FSTL5: variants seen among roughly 807,000 people sequenced by gnomAD.
FSTL5 encodes follistatin-related protein 5.
In FSTL5, 62 loss-of-function variants were observed where a neutral mutation model predicts 89.1. That is an observed-to-expected ratio of 0.70 (90% confidence interval 0.57 to 0.86). FSTL5 has a LOEUF of 0.86. Among genes scored for constraint, FSTL5 ranks in the 40% least tolerant of loss-of-function variants. The pLI, the probability that FSTL5 is intolerant of heterozygous loss-of-function variation, is 0.00. For synonymous variants in FSTL5, 383 were observed against 346.2 expected, an observed-to-expected ratio of 1.11 and a Z score of -1.18; for missense variants, 1,057 against 1,001.6, an observed-to-expected ratio of 1.06 and a Z score of -0.75.
chr4:162,026,744 C>A (rs935068309), intron 3 of FSTL5, among the ~76,000 whole-genome samples: 1 of 152,020 alleles, frequency 6.6e-6, no homozygotes, highest in Non-Finnish European at 1.5e-5. Context: ...AAATAAAAGC[C>A]TACTTAAGCA....
intron 4 of FSTL5, among the ~76,000 whole-genome samples, chr4:161,810,919 C>T (rs1017423385): frequency 3.3e-5 from 5 of 152,246 alleles, no homozygotes; most frequent in Admixed American, 1.3e-4. Context: ...CCAATAAGAT[C>T]TATTGTTTTT....
At position 161,513,548 on chromosome 4, in the gene FSTL5, T is replaced by C. The variant is rs181066373; in HGVS notation, c.1313-3124A>G. Reference sequence around the variant, plus strand: ...AAAGACACATGCACACATATATTCATTGCAGCACTATTCACAATAGCAAAG... The same window carrying C: ...AAAGACACATGCACACATATATTCACTGCAGCACTATTCACAATAGCAAAG... On this transcript the variant is annotated intron_variant, in intron 10 of 15. Transcript: ENST00000306100. 9.2e-5 allele frequency among the ~76,000 whole-genome samples: 14 copies of C among 152,304 alleles called. 1 individual carries two copies. The highest frequency in any genetic ancestry group is 1.6e-4 in the Non-Finnish European group (11 of 68,026).
chr4:161,598,305 G>T lies in FSTL5; in HGVS notation c.895-10730C>A, dbSNP rs144613335. Among the ~76,000 whole-genome samples, 3 of 152,154 alleles carry T rather than the reference G, an allele frequency of 2.0e-5. No homozygotes were observed. In the East Asian group the frequency reaches 5.8e-4, roughly 29 times the overall value. On this transcript the variant is annotated intron_variant, in intron 7 of 15. Coordinates refer to ENST00000306100, the MANE Select transcript of FSTL5 (RefSeq NM_020116.5). ...CAGGAGAATAGCTTGAACCCGGAAGGCAGAGGTTGCAGTGAGCCAAAATTG... is the reference window on the plus strand; with the variant it reads ...CAGGAGAATAGCTTGAACCCGGAAGTCAGAGGTTGCAGTGAGCCAAAATTG...
At chr4:161,752,410 T>A (rs540370521) in intron 6 of FSTL5, among the ~76,000 whole-genome samples, 1 of 152,328 alleles carries the variant, frequency 6.6e-6, no homozygotes, top group East Asian at 1.9e-4. Flanking sequence ...AATATATTCA[T>A]ACTTGATGGA....
intron 3 of FSTL5, among the ~76,000 whole-genome samples, chr4:162,025,319 T>C (rs925309268): frequency 1.2e-4 from 19 of 152,210 alleles, no homozygotes; most frequent in Non-Finnish European, 2.4e-4. Context: ...TTGATAAATA[T>C]GTTTCTATCA....
intron 3 of FSTL5, among the ~76,000 whole-genome samples, chr4:161,962,217 A>C (rs924363749): frequency 5.9e-5 from 9 of 151,998 alleles, no homozygotes; most frequent in African/African-American, 2.4e-5. Context: ...AGTATTAAGA[A>C]AGGTCCAGAT....
At chr4:161,395,869 G>C (rs1730978044) in intron 15 of FSTL5, among the ~76,000 whole-genome samples, 2 of 152,104 alleles carry the variant, frequency 1.3e-5, no homozygotes, top group African/African-American at 2.4e-5. Flanking sequence ...TACCTCAAGA[G>C]AGAGACAAAC....
At chr4:161,961,577 G>A (rs1032626440) in intron 3 of FSTL5, among the ~76,000 whole-genome samples, 2 of 149,724 alleles carry the variant, frequency 1.3e-5, no homozygotes, top group African/African-American at 4.9e-5. Flanking sequence ...ATAAATAATT[G>A]AGCTCTGAAG....
intron 4 of FSTL5, among the ~76,000 whole-genome samples, chr4:161,809,091 T>C (rs1327101131): frequency 1.3e-5 from 2 of 152,000 alleles, no homozygotes; most frequent in Admixed American, 6.6e-5. Flanking sequence ...TGGTGGCGGC[T>C]GCCTGTAGTC....
chr4:161,887,381 T>A (rs1337198114), intron 4 of FSTL5, among the ~76,000 whole-genome samples: 1 of 142,606 alleles, frequency 7.0e-6, no homozygotes, highest in African/African-American at 2.6e-5. Flanking sequence ...TTTTGTATTA[T>A]CTCTATCTAT....
intron 4 of FSTL5, among the ~76,000 whole-genome samples, chr4:161,869,732 C>T (rs1430307123): frequency 1.3e-5 from 2 of 152,166 alleles, no homozygotes; most frequent in Non-Finnish European, 2.9e-5. Flanking sequence ...GTTGAGAAAC[C>T]TTGGCCTAAT....
At chr4:161,631,645 C>T (rs1048357922) in intron 7 of FSTL5, among the ~76,000 whole-genome samples, 1 of 152,030 alleles carries the variant, frequency 6.6e-6, no homozygotes, top group African/African-American at 2.4e-5. Context: ...ATTCAGATGA[C>T]ACATAACACT....
chr4:161,710,074 T>C (rs1484897214), intron 6 of FSTL5, among the ~76,000 whole-genome samples: 1 of 151,924 alleles, frequency 6.6e-6, no homozygotes, highest in Non-Finnish European at 1.5e-5. Context: ...GGTCAAGCAA[T>C]CCTTTCACCT....
intron 6 of FSTL5, among the ~76,000 whole-genome samples, chr4:161,733,435 C>T (rs1739683897): frequency 6.6e-6 from 1 of 151,834 alleles, no homozygotes; most frequent in Non-Finnish European, 1.5e-5. Context: ...TATTTTCAAA[C>T]AAAAACATTT....
intron 7 of FSTL5, among the ~76,000 whole-genome samples, chr4:161,615,191 G>A (rs1452449160): frequency 1.3e-5 from 2 of 151,044 alleles, no homozygotes; most frequent in African/African-American, 2.4e-5. Context: ...CTACTCGGGA[G>A]GCCAAGGCAG....
In FSTL5 at chr4:161,633,102, T is replaced by C. The variant is rs775984641; in HGVS notation, c.894+23226A>G. ...AAATGATAGCACAATGTTTCTAAAA[T>C]AGGTATTTCATAGGTGCATATCTCT... On this transcript the variant is annotated intron_variant, in intron 7 of 15. Transcript: ENST00000306100. Among the ~76,000 whole-genome samples the C allele has an allele frequency of 7.3e-5, 11 of 151,700 alleles. No homozygotes were observed. In the South Asian group the frequency reaches 1.7e-3, roughly 23 times the overall value.
chr4:162,154,603 CTCAG>C (rs1208763209), intron 1 of FSTL5, among the ~76,000 whole-genome samples: 5 of 152,082 alleles, frequency 3.3e-5, no homozygotes, highest in African/African-American at 1.2e-4. Flanking sequence ...TTGTGTGGTT[CTCAG>C]TCAGAGACCA....
At chr4:161,952,005 T>G (rs1734909569) in intron 3 of FSTL5, among the ~76,000 whole-genome samples, 3 of 152,178 alleles carry the variant, frequency 2.0e-5, no homozygotes, top group Admixed American at 2.0e-4. Context: ...AGGTATTGTG[T>G]CTTTACTCAG....
intron 3 of FSTL5, among the ~76,000 whole-genome samples, chr4:162,000,026 G>T (rs1279134966): frequency 1.3e-5 from 2 of 152,044 alleles, no homozygotes; most frequent in Non-Finnish European, 2.9e-5. Flanking sequence ...GATTTTGATG[G>T]CCTAATCTGA....
Sources: allele counts gnomAD v4.1 joint callset (sites outside exome capture counted in the v4.1 genomes callset), GRCh38; gene constraint gnomAD v4.1.1; transcripts MANE v1.5; gene names NCBI Gene and HGNC (gene_info 2026-07-23, HGNC 2026-07-21).